Variants in GNG4 observed in about 807,000 individuals in gnomAD.
GNG4 encodes the protein G protein subunit gamma 4.
A neutral mutation model predicts 5.8 loss-of-function variants in GNG4; 4 were observed. The ratio of observed to expected loss-of-function variants is 0.69; its 90% CI spans 0.34 to 1.57. The LOEUF is 1.57. GNG4 is among the 40% of genes most tolerant of loss of function. The pLI is 0.06. For synonymous variants in GNG4, 29 were observed against 32.9 expected (o/e 0.88, Z 0.41); for missense variants, 96 against 95.1 (o/e 1.01, Z -0.04).
intron 1 of GNG4, among the ~76,000 whole-genome samples, chr1:235,596,209 TACACACACACACACACACACAC>T (rs59527448): frequency 7.5e-6 from 1 of 133,572 alleles, no homozygotes; most frequent in South Asian, 2.7e-4. Context: ...ACAAACAAAA[TACACACACACACACACACACAC>T]ACACACACAC....
intron 3 of GNG4, among the ~76,000 whole-genome samples, chr1:235,575,457 C>A (rs1241251278): frequency 6.6e-6 from 1 of 152,196 alleles, no homozygotes; most frequent in African/African-American, 2.4e-5. Flanking sequence ...TCTCTTCCTG[C>A]ACTCATGTTT....
At chr1:235,607,430 G>A (rs1397282531) in intron 1 of GNG4, among the ~76,000 whole-genome samples, 1 of 152,242 alleles carries the variant, frequency 6.6e-6, no homozygotes, top group Admixed American at 6.5e-5. Flanking sequence ...CGGATGGACA[G>A]TGTGTTGTTC....
At chr1:235,583,046 A>G (rs1314628816) in intron 3 of GNG4, among the ~76,000 whole-genome samples, 1 of 152,156 alleles carries the variant, frequency 6.6e-6, no homozygotes, top group Non-Finnish European at 1.5e-5. Context: ...TGTGTTCCCC[A>G]AGACCACAGA....
chr1:235,615,525 G>C (rs1033463814), intron 1 of GNG4: 2 of 163,776 alleles, frequency 1.2e-5, no homozygotes, highest in African/African-American at 4.8e-5. Flanking sequence ...TCATAGCTCT[G>C]GCGATTGGAA....
intron 1 of GNG4, among the ~76,000 whole-genome samples, chr1:235,622,668 G>C (rs1411942361): frequency 1.3e-5 from 2 of 152,008 alleles, no homozygotes; most frequent in Admixed American, 6.6e-5. Flanking sequence ...ATCACCTGAG[G>C]TCAGGAGTTC....
At chr1:235,596,015 A>G (rs148131573) in intron 1 of GNG4, among the ~76,000 whole-genome samples, 4,124 of 151,728 alleles carry the variant, frequency 0.027, 157 homozygotes, top group African/African-American at 0.079. Context: ...TCCACTAAAA[A>G]TACAAAAAAT....
At chr1:235,587,328 A>AGTGG (rs1553367443) in intron 2 of GNG4, among the ~76,000 whole-genome samples, 1 of 51,724 alleles carries the variant, frequency 1.9e-5, no homozygotes, top group Non-Finnish European at 3.2e-5. Context: ...TGTGTGTGAG[A>AGTGG]GTGTGAGAGC....
intron 3 of GNG4, among the ~76,000 whole-genome samples, chr1:235,580,613 C>T (rs1281478331): frequency 2.0e-5 from 3 of 152,186 alleles, no homozygotes; most frequent in African/African-American, 7.2e-5. Flanking sequence ...CCAAATCTGA[C>T]ACAGCTGTCA....
intron 2 of GNG4, among the ~76,000 whole-genome samples, chr1:235,593,732 C>T (rs1004154576): frequency 6.6e-6 from 1 of 152,112 alleles, no homozygotes; most frequent in African/African-American, 2.4e-5. Context: ...GTGAGTGTTA[C>T]AGCTCTTAAG....
intron 1 of GNG4, among the ~76,000 whole-genome samples, chr1:235,606,565 G>T (rs778067904): frequency 3.9e-5 from 6 of 152,132 alleles, no homozygotes; most frequent in Non-Finnish European, 8.8e-5. Flanking sequence ...GGGAGATGGT[G>T]CTGTGCTGTT....
At chr1:235,650,393 G>A (rs1030423017), upstream of GNG4, among the ~76,000 whole-genome samples, 1 of 152,086 alleles carries the variant, frequency 6.6e-6, no homozygotes, top group Non-Finnish European at 1.5e-5. Context: ...CGGGGCCGCG[G>A]TCAGCGCGGG....
intron 3 of GNG4, among the ~76,000 whole-genome samples, chr1:235,564,265 G>A (rs1342935738): frequency 6.6e-6 from 1 of 152,136 alleles, no homozygotes; most frequent in Admixed American, 6.6e-5. Flanking sequence ...AGGAACGAGA[G>A]ACACACTACT....
chr1:235,624,549 T>G (rs568093505), intron 1 of GNG4, among the ~76,000 whole-genome samples: 1 of 152,232 alleles, frequency 6.6e-6, no homozygotes, highest in Non-Finnish European at 1.5e-5. Flanking sequence ...AGCTGTCATA[T>G]TCCAGCTCCT....
intron 1 of GNG4, among the ~76,000 whole-genome samples, chr1:235,632,324 C>T (rs990397861): frequency 1.3e-5 from 2 of 151,686 alleles, no homozygotes; most frequent in East Asian, 1.9e-4. Flanking sequence ...TGGGCTCAAG[C>T]GATCTTCCCA....
intron 3 of GNG4, 38 bp downstream of exon 3, chr1:235,583,702 C>G: frequency 1.5e-6 from 2 of 1,340,090 alleles, no homozygotes; most frequent in Non-Finnish European, 2.1e-6. Context: ...TTGAGCTGAG[C>G]TTCGGGCGGA....
Position 235,549,326 on chromosome 1 carries a change from G to A in GNG4, c.*2783C>T, listed in dbSNP as rs10802805. 0.55 allele frequency: 83,880 copies of A among 152,152 alleles called. 23,891 individuals are homozygous for A. Among genetic ancestry groups the A allele is most frequent in the East Asian group, 0.83 (4,290 of 5,180 alleles). The allele number at this position is 152,152 out of a possible 1,614,324, so 9.4% of individuals were successfully genotyped here. On this transcript the variant is annotated 3_prime_UTR_variant, in exon 4 of 4. Transcript: ENST00000391854. Reference sequence around the variant, plus strand: ...GACAGAAAAGCATCTCACAGGGGAAGGTAAGGAAGAGAGGAGGAAAAGGAA... The same window carrying A: ...GACAGAAAAGCATCTCACAGGGGAAAGTAAGGAAGAGAGGAGGAAAAGGAA...
intron 1 of GNG4, among the ~76,000 whole-genome samples, chr1:235,634,839 C>A (rs1689002093): frequency 6.6e-6 from 1 of 152,070 alleles, no homozygotes; most frequent in African/African-American, 2.4e-5. Flanking sequence ...GAGGCTGAGG[C>A]AGAAGAATAG....
intron 3 of GNG4, among the ~76,000 whole-genome samples, chr1:235,581,715 C>G (rs981184140): frequency 1.3e-5 from 2 of 152,088 alleles, no homozygotes; most frequent in African/African-American, 4.8e-5. Flanking sequence ...CCAATTAAAT[C>G]TCTTTATAAA....
chr1:235,574,233 T>C (rs1380423550), intron 3 of GNG4, among the ~76,000 whole-genome samples: 1 of 152,104 alleles, frequency 6.6e-6, no homozygotes, highest in African/African-American at 2.4e-5. Flanking sequence ...TGTCCAGGCA[T>C]GGTGGCACAG....
Sources: gnomAD v4.1 joint callset for allele counts (sites outside exome capture counted in the v4.1 genomes callset) on GRCh38, gnomAD v4.1.1 for gene constraint, MANE v1.5 for transcripts, NCBI Gene and HGNC (gene_info 2026-07-23, HGNC 2026-07-21) for gene names.